The following SGCD variants were observed in gnomAD, a reference collection of about 807,000 sequenced individuals.
SGCD encodes the protein delta-sarcoglycan.
A neutral mutation model predicts 36.6 loss-of-function variants in SGCD; 18 were observed. The observed-to-expected ratio is 0.49, with a 90% CI of 0.34 to 0.73. SGCD has a LOEUF of 0.73. Ranked by LOEUF, SGCD falls within the 30% of genes least tolerant of loss-of-function variation. SGCD has a pLI of 0.01. For synonymous variants in SGCD, 133 were observed against 130.6 expected, an observed-to-expected ratio of 1.02 and a Z score of -0.12; for missense variants, 387 against 346.7, an observed-to-expected ratio of 1.12 and a Z score of -0.92.
At chr5:155,829,935 G>C in the SGCD span, among the ~76,000 whole-genome samples, 3 of 152,170 alleles carry the variant, frequency 2.0e-5, no homozygotes, top group Admixed American at 2.0e-4. Flanking sequence ...ATTGTGCTAA[G>C]ATCTTTAATT....
intron 4 of SGCD, among the ~76,000 whole-genome samples, chr5:156,581,116 G>A (rs943639063): frequency 6.6e-6 from 1 of 152,158 alleles, no homozygotes; most frequent in Non-Finnish European, 1.5e-5. Flanking sequence ...TGATGTTGAT[G>A]CTATTCCTTT....
chr5:155,875,286 G>A (rs1755741046), intron 1 of SGCD, among the ~76,000 whole-genome samples: 1 of 152,094 alleles, frequency 6.6e-6, no homozygotes, highest in Non-Finnish European at 1.5e-5. Context: ...TGATGGATAT[G>A]TTCATCATCC....
intron 7 of SGCD, among the ~76,000 whole-genome samples, chr5:156,670,033 C>A (rs1482034309): frequency 6.6e-6 from 1 of 152,082 alleles, no homozygotes; most frequent in Non-Finnish European, 1.5e-5. Flanking sequence ...CCCGTTTTCA[C>A]CTGAATTTGA....
the SGCD span, among the ~76,000 whole-genome samples, chr5:155,795,710 T>C: frequency 6.6e-6 from 1 of 152,074 alleles, no homozygotes; most frequent in Non-Finnish European, 1.5e-5. Context: ...AGACTAAAAT[T>C]GTCTCACTAT....
chr5:156,363,933 C>T (rs910193224), intron 3 of SGCD, among the ~76,000 whole-genome samples: 1 of 152,094 alleles, frequency 6.6e-6, no homozygotes, highest in Non-Finnish European at 1.5e-5. Context: ...ATTGGCCTGA[C>T]GGGAGTCACA....
chr5:156,092,699 G>A (rs1180393187), intron 1 of SGCD, among the ~76,000 whole-genome samples: 1 of 152,230 alleles, frequency 6.6e-6, no homozygotes, highest in Non-Finnish European at 1.5e-5. Context: ...GCTTGTTCCA[G>A]CAGGACCTGT....
chr5:156,582,405 C>A (rs1001819176), intron 4 of SGCD, among the ~76,000 whole-genome samples: 4 of 152,092 alleles, frequency 2.6e-5, no homozygotes, highest in African/African-American at 2.4e-5. Flanking sequence ...AAAGGGCAAC[C>A]AATTGAGCTC....
At chr5:155,843,101 G>A in the SGCD span, among the ~76,000 whole-genome samples, 1 of 152,206 alleles carries the variant, frequency 6.6e-6, no homozygotes, top group African/African-American at 2.4e-5. Context: ...TGGTCAAAGA[G>A]AAATGATTGT....
At chr5:155,755,270 G>T in the SGCD span, among the ~76,000 whole-genome samples, 2 of 152,108 alleles carry the variant, frequency 1.3e-5, no homozygotes, top group Admixed American at 6.5e-5. Context: ...AAAACAAAAA[G>T]ATTAGTAATT....
chr5:155,839,849 C>A, the SGCD span, among the ~76,000 whole-genome samples: 1 of 152,222 alleles, frequency 6.6e-6, no homozygotes, highest in Non-Finnish European at 1.5e-5. Flanking sequence ...TTCAACATCT[C>A]TCAGGTGGGA....
At chr5:155,756,581 A>G in the SGCD span, among the ~76,000 whole-genome samples, 1 of 152,218 alleles carries the variant, frequency 6.6e-6, no homozygotes, top group African/African-American at 2.4e-5. Context: ...TTATATTTAC[A>G]AAGTGTTCAG....
chr5:155,806,321 A>G, the SGCD span, among the ~76,000 whole-genome samples: 1 of 151,992 alleles, frequency 6.6e-6, no homozygotes, highest in Non-Finnish European at 1.5e-5. Context: ...TGCCTGGCTA[A>G]TTTTTATATA....
chr5:156,386,344 A>G (rs560056350), intron 3 of SGCD, among the ~76,000 whole-genome samples: 2 of 152,356 alleles, frequency 1.3e-5, no homozygotes, highest in South Asian at 2.1e-4. Flanking sequence ...AACATCCATT[A>G]AAGTAGGTGA....
chr5:156,036,168 GC>G (rs1344734390), intron 1 of SGCD, among the ~76,000 whole-genome samples: 4 of 152,148 alleles, frequency 2.6e-5, no homozygotes. Context: ...ACTTGAGTCT[GC>G]TTGCCTGGTG....
At chr5:156,756,693 G>A (rs1757347848) in intron 7 of SGCD, among the ~76,000 whole-genome samples, 1 of 152,102 alleles carries the variant, frequency 6.6e-6, no homozygotes, top group Non-Finnish European at 1.5e-5. Context: ...TGATTCTCTT[G>A]ATTTATTTTT....
In SGCD at chr5:156,763,963, A is replaced by G. The variant is rs546863061; in HGVS notation, c.*4573A>G. On this transcript the variant is annotated 3_prime_UTR_variant, in exon 9 of 9. Coordinates refer to ENST00000337851, the MANE Select transcript of SGCD (RefSeq NM_000337.6). Reference sequence around the variant, plus strand: ...TGAAGTTTGGACCAAAAAGGTAAATAGATCCATTCCAGCACCTGATACTGA... The same window carrying G: ...TGAAGTTTGGACCAAAAAGGTAAATGGATCCATTCCAGCACCTGATACTGA... 2.6e-5 allele frequency: 4 copies of G among 152,314 alleles called. No individual in the cohort carries two copies. The highest frequency in any genetic ancestry group is 7.2e-5 in the African/African-American group (3 of 41,560). 9.4% of individuals were successfully genotyped at this position (152,314 alleles called of 1,614,324 possible).
chr5:155,858,391 G>A, the SGCD span, among the ~76,000 whole-genome samples: 2 of 152,146 alleles, frequency 1.3e-5, no homozygotes, highest in Non-Finnish European at 2.9e-5. Flanking sequence ...AGCATCTGAA[G>A]TTATGTCAAT....
Position 156,764,178 on chromosome 5 carries a change from C to T in SGCD, c.*4788C>T, listed in dbSNP as rs1192154033. ...TAAGAAACAACCTTCGAAAACAGGC[C>T]TTTTATCTCAAAGATAAAATGTCTT... On this transcript the variant is annotated 3_prime_UTR_variant, in exon 9 of 9. Coordinates refer to ENST00000337851, the MANE Select transcript of SGCD (RefSeq NM_000337.6). 1 of 152,498 alleles carries T rather than the reference C, an allele frequency of 6.6e-6. No homozygotes were observed. Among genetic ancestry groups the T allele is most frequent in the Non-Finnish European group, 1.5e-5 (1 of 68,018 alleles). The allele number at this position is 152,498 out of a possible 1,614,324, so 9.4% of individuals were successfully genotyped here. A position where few individuals can be genotyped will look rare whatever the true frequency, so the allele number is the denominator to read the frequency against.
intron 1 of SGCD, among the ~76,000 whole-genome samples, chr5:155,901,628 G>A (rs1450080398): frequency 6.6e-6 from 1 of 151,860 alleles, no homozygotes; most frequent in Non-Finnish European, 1.5e-5. Flanking sequence ...ATAAAGACAC[G>A]TGGTAAGAAA....
Sources: allele counts gnomAD v4.1 joint callset (sites outside exome capture counted in the v4.1 genomes callset), GRCh38; gene constraint gnomAD v4.1.1; transcripts MANE v1.5; gene names NCBI Gene and HGNC (gene_info 2026-07-23, HGNC 2026-07-21).